The following STAG2 variants were observed in gnomAD, a reference collection of about 807,000 sequenced individuals.
STAG2 encodes the protein STAG2 cohesin complex component.
STAG2 carries 14 observed loss-of-function variants against 108.1 expected under a neutral mutation model. That is an observed-to-expected ratio of 0.13 (90% CI 0.09 to 0.20). STAG2 has a LOEUF of 0.20. STAG2 is among the 10% of genes least tolerant of loss of function. The pLI, the probability that STAG2 is intolerant of heterozygous loss-of-function variation, is 1.00. For synonymous variants in STAG2, 307 were observed against 302.7 expected, an observed-to-expected ratio of 1.01 and a Z score of -0.15; for missense variants, 440 against 940.9, an observed-to-expected ratio of 0.47 and a Z score of 6.96.
intron 1 of STAG2, among the ~76,000 whole-genome samples, chrX:123,985,738 T>A (rs75549610): frequency 7.0e-5 from 7 of 99,319 alleles, no homozygotes; most frequent in Non-Finnish European, 1.4e-4. Context: ...ACCAGGCTAA[T>A]TTTTTTTTTT....
chrX:123,969,702 C>T (rs1288884462), intron 1 of STAG2, among the ~76,000 whole-genome samples: 1 of 109,503 alleles, frequency 9.1e-6, no homozygotes, highest in East Asian at 2.8e-4. Context: ...GGCTGTGGTG[C>T]AGTGGCATGA....
chrX:124,073,947 GTTGT>G (rs2148393794), intron 25 of STAG2, among the ~76,000 whole-genome samples: 1 of 111,802 alleles, frequency 8.9e-6, no homozygotes, highest in Admixed American at 9.5e-5. Flanking sequence ...CCCCAAATTT[GTTGT>G]TTATCACACC....
intron 1 of STAG2, among the ~76,000 whole-genome samples, chrX:124,007,307 C>T (rs1389234202): frequency 9.0e-6 from 1 of 111,180 alleles, no homozygotes; most frequent in Non-Finnish European, 1.9e-5. Flanking sequence ...GTGAGCCATC[C>T]CATCCTGCTT....
chrX:123,977,535 T>A (rs368197237), intron 1 of STAG2, among the ~76,000 whole-genome samples: 1 of 111,838 alleles, frequency 8.9e-6, no homozygotes. Context: ...TATTTTACTT[T>A]TATGCTGTTA....
chrX:124,074,122 C>A (rs2058742440), intron 25 of STAG2, among the ~76,000 whole-genome samples: 1 of 112,261 alleles, frequency 8.9e-6, no homozygotes, highest in East Asian at 2.8e-4. Flanking sequence ...CTATATTGCT[C>A]AGGCTGGCCT....
At chrX:124,089,252 A>G (rs1167269803) in intron 30 of STAG2, among the ~76,000 whole-genome samples, 1 of 111,856 alleles carries the variant, frequency 8.9e-6, no homozygotes, top group Non-Finnish European at 1.9e-5. Flanking sequence ...TTCTAAATTC[A>G]CAATCAAAAA....
chrX:123,962,046 A>C (rs2053889364), intron 1 of STAG2, 190 bp downstream of exon 1: 1 of 111,443 alleles, frequency 9.0e-6, no homozygotes, highest in Admixed American at 9.5e-5. Context: ...GCTGCTTTTC[A>C]TTCCCACCCC....
rs1225152826 is a variant in STAG2 at position 123,998,949 on chromosome X, GAA to G, written c.-162-22408_-162-22407del. Among the ~76,000 whole-genome samples the G allele has an allele frequency of 2.9e-5, 3 of 104,864 alleles. No individual in the cohort carries two copies. In the South Asian group the frequency reaches 1.2e-3, roughly 43 times the overall value. 91.1% of individuals were successfully genotyped at this position (104,864 alleles called of 115,157 possible). A position where few individuals can be genotyped will look rare whatever the true frequency, so the allele number is the denominator to read the frequency against. ...GCGAGACCCCATCTCTACAGAAAAT[GAA>G]AAAAAAAAATTAGCCAAGCATGGTG... On this transcript the variant is annotated intron_variant, in intron 1 of 34. Transcript: ENST00000371145.
At chrX:123,978,576 C>A (rs1463801133) in intron 1 of STAG2, among the ~76,000 whole-genome samples, 2 of 111,381 alleles carry the variant, frequency 1.8e-5, no homozygotes, top group Non-Finnish European at 3.8e-5. Flanking sequence ...GAGGATTGGG[C>A]AAATCTTTGA....
Position 124,052,815 on chromosome X carries a change from C to CT in STAG2, c.1196+1437dup, listed in dbSNP as rs746658587. ...CAGCAATGTACAAGATTTCCAATTT[C>CT]TTTTTTTTTTTTTTTTCCTGAGATG... On this transcript the variant is annotated intron_variant, in intron 13 of 34. Transcript: ENST00000371145. 4.9e-3 allele frequency among the ~76,000 whole-genome samples: 473 copies of CT among 97,469 alleles called. 3 individuals are homozygous for CT. The highest frequency in any genetic ancestry group is 0.011 in the African/African-American group (298 of 27,029). 84.6% of individuals were successfully genotyped at this position (97,469 alleles called of 115,157 possible).
Position 123,961,851 on chromosome X carries a change from A to G in STAG2, c.-168A>G, listed in dbSNP as rs979620253. On this transcript the variant is annotated 5_prime_UTR_variant, in exon 1 of 35. Coordinates refer to ENST00000371145, the MANE Select transcript of STAG2 (RefSeq NM_001042750.2). ...ATCTCTCCATCCCTTCCGAGGCCCG[A>G]CTTCGGTCAGTTTTCTTCGGGCAAC... The G allele has an allele frequency of 1.8e-5, 2 of 110,831 alleles. No homozygotes were observed. The highest frequency in any genetic ancestry group is 3.8e-5 in the Non-Finnish European group (2 of 52,725). The allele number at this position is 110,831 out of a possible 1,213,427, so 9.1% of individuals were successfully genotyped here. A position where few individuals can be genotyped will look rare whatever the true frequency, so the allele number is the denominator to read the frequency against.
chrX:123,998,462 C>T (rs1174243396), intron 1 of STAG2, among the ~76,000 whole-genome samples: 6 of 106,287 alleles, frequency 5.6e-5, no homozygotes, highest in Non-Finnish European at 9.7e-5. Context: ...TGAGCCACCA[C>T]GCCCTGCCGT....
rs1004218723 is a variant in STAG2, at chrX:124,023,595, TTTG to T, written c.44+927_44+929del. The stretch of plus-strand genomic sequence containing the variant: ...ATCTTTGTAAAAGTTAATTATTACC[TTTG>T]TTAATATTAAGTGTCTGCTGTATAC... On this transcript the variant is annotated intron_variant, in intron 3 of 34. Transcript: ENST00000371145. Among the ~76,000 whole-genome samples, 14 of 111,576 alleles carry T rather than the reference TTTG, an allele frequency of 1.3e-4. No individual in the cohort carries two copies. The Admixed American group carries it at 1.3e-3, about 11-fold the overall frequency.
chrX:124,032,623 T>TTCCACATTTGTG (rs1405518363), intron 5 of STAG2, among the ~76,000 whole-genome samples: 2 of 111,265 alleles, frequency 1.8e-5, no homozygotes, highest in African/African-American at 6.5e-5. Flanking sequence ...TGTCTATGTT[T>TTCCACATTTGTG]TCCACATTTG....
chrX:124,037,727 A>AT, intron 6 of STAG2, 104 bp downstream of exon 6: 1 of 334,363 alleles, frequency 3.0e-6, no homozygotes, highest in East Asian at 5.8e-5. Flanking sequence ...ACGCTAAGGC[A>AT]TTATTTGCAT....
chrX:124,050,172 C>T lies in STAG2; in HGVS notation c.894-14C>T. 1 of 1,204,258 alleles carries T rather than the reference C, an allele frequency of 8.3e-7. No individual in the cohort carries two copies. The highest frequency in any genetic ancestry group is 1.8e-5 in the South Asian group (1 of 55,100). On this transcript the variant is annotated splice_polypyrimidine_tract_variant and intron_variant, in intron 10 of 34. Coordinates refer to ENST00000371145, the MANE Select transcript of STAG2 (RefSeq NM_001042750.2). The stretch of plus-strand genomic sequence containing the variant: ...TGGCACTAATTATGCATCGTTTTTC[C>T]TTCCCCCATTCAGTGATGCGATAGC...
intron 1 of STAG2, among the ~76,000 whole-genome samples, chrX:123,975,409 T>A: frequency 8.9e-6 from 1 of 112,061 alleles, no homozygotes; most frequent in Non-Finnish European, 1.9e-5. Context: ...AGCATGAAGG[T>A]ATGTTTTTGA....
At chrX:124,045,389 T>C (rs1378543253) in intron 8 of STAG2, 21 bp downstream of exon 8, 1 of 1,137,821 alleles carries the variant, frequency 8.8e-7, no homozygotes, top group African/African-American at 1.8e-5. Context: ...AGAAATATTT[T>C]CTGCATATTG....
intron 20 of STAG2, 65 bp downstream of exon 20, chrX:124,064,116 G>A: frequency 1.2e-6 from 1 of 835,862 alleles, no homozygotes; most frequent in Admixed American, 2.8e-5. Flanking sequence ...AAGCTAATTA[G>A]TCACCCAAGT....
Sources: allele counts gnomAD v4.1 joint callset (sites outside exome capture counted in the v4.1 genomes callset), GRCh38; gene constraint gnomAD v4.1.1; transcripts MANE v1.5; gene names NCBI Gene and HGNC (gene_info 2026-07-23, HGNC 2026-07-21).